SLC35F4: variants seen among roughly 807,000 people sequenced by gnomAD.
SLC35F4 encodes solute carrier family 35 member F4, also known as chromosome 14 open reading frame 36.
SLC35F4 carries 24 observed loss-of-function variants against 44.2 expected under a neutral mutation model. The observed-to-expected ratio is 0.54, with a 90% CI of 0.39 to 0.76. SLC35F4 has a LOEUF of 0.76. Among genes scored for constraint, SLC35F4 ranks in the 30% least tolerant of loss-of-function variants. SLC35F4 has a pLI of 0.00. For synonymous variants in SLC35F4, 238 were observed against 223.6 expected (o/e 1.06, Z -0.57); for missense variants, 562 against 586.1 (o/e 0.96, Z 0.42).
intron 1 of SLC35F4, among the ~76,000 whole-genome samples, chr14:57,696,599 A>C (rs1474384118): frequency 1.3e-5 from 2 of 152,244 alleles, no homozygotes; most frequent in Admixed American, 6.5e-5. Flanking sequence ...TCATTCTACT[A>C]TAAAGACACA....
At chr14:57,742,464 A>G (rs2076637091) in intron 1 of SLC35F4, among the ~76,000 whole-genome samples, 1 of 152,236 alleles carries the variant, frequency 6.6e-6, no homozygotes, top group South Asian at 2.1e-4. Flanking sequence ...ACAAAGATCA[A>G]AAGAGACAAA....
chr14:57,848,989 A>G (rs1000493716), intron 1 of SLC35F4, among the ~76,000 whole-genome samples: 1 of 152,284 alleles, frequency 6.6e-6, no homozygotes, highest in East Asian at 1.9e-4. Flanking sequence ...CAAGAGTCTC[A>G]TGTCTTTTGC....
intron 1 of SLC35F4, among the ~76,000 whole-genome samples, chr14:57,760,072 G>C (rs187823172): frequency 6.6e-6 from 1 of 151,992 alleles, no homozygotes; most frequent in Admixed American, 6.6e-5. Context: ...TGTAGCCTGA[G>C]ATTTTGGTGT....
chr14:57,566,174 T>C (rs2068198126), intron 7 of SLC35F4, among the ~76,000 whole-genome samples: 1 of 152,176 alleles, frequency 6.6e-6, no homozygotes, highest in South Asian at 2.1e-4. Flanking sequence ...TTTGTTTCCA[T>C]AGGACTTCCT....
intron 1 of SLC35F4, among the ~76,000 whole-genome samples, chr14:57,952,806 G>A (rs182619427): frequency 1.3e-4 from 20 of 152,144 alleles, no homozygotes; most frequent in African/African-American, 4.1e-4. Flanking sequence ...CCAAATCAAC[G>A]TTTGATTAGT....
intron 1 of SLC35F4, among the ~76,000 whole-genome samples, chr14:57,610,380 T>C (rs2071420339): frequency 6.6e-6 from 1 of 152,114 alleles, no homozygotes. Flanking sequence ...CAACCACTTC[T>C]TGGGAAACTG....
intron 1 of SLC35F4, among the ~76,000 whole-genome samples, chr14:57,698,072 C>T (rs2140355856): frequency 2.0e-5 from 3 of 152,230 alleles, no homozygotes; most frequent in East Asian, 3.9e-4. Context: ...ATAATAACAG[C>T]ACCTATCTCA....
At chr14:57,959,455 T>A (rs1890302274) in intron 1 of SLC35F4, among the ~76,000 whole-genome samples, 1 of 152,120 alleles carries the variant, frequency 6.6e-6, no homozygotes, top group South Asian at 2.1e-4. Context: ...GAAGATGGAT[T>A]TAGCCCCGGG....
rs2140483077 is a variant in SLC35F4, at chr14:57,734,120, C to T, written c.103+131603G>A. ...AGCTGTCTTATGAAGTAGCAGTTGC[C>T]CCATCCCTGGGAACATTGAGATATA... On this transcript the variant is annotated intron_variant, in intron 1 of 7. Coordinates refer to ENST00000556826, the MANE Select transcript of SLC35F4 (RefSeq NM_001306087.2). 1.3e-5 allele frequency among the ~76,000 whole-genome samples: 2 copies of T among 152,142 alleles called. 1 individual carries two copies. The highest frequency in any genetic ancestry group is 4.2e-4 in the South Asian group (2 of 4,802).
At chr14:57,615,862 T>C (rs773198187) in intron 1 of SLC35F4, among the ~76,000 whole-genome samples, 7 of 152,212 alleles carry the variant, frequency 4.6e-5, no homozygotes, top group Non-Finnish European at 8.8e-5. Flanking sequence ...TCTGGAGCTT[T>C]GCCTGAAAAG....
intron 1 of SLC35F4, chr14:57,596,529 G>A: frequency 5.7e-6 from 2 of 352,970 alleles, no homozygotes; most frequent in South Asian, 2.2e-5. Context: ...TTTTTATAAG[G>A]TATGCCTTCT....
intron 1 of SLC35F4, among the ~76,000 whole-genome samples, chr14:57,898,247 CAT>C (rs1888925922): frequency 6.6e-6 from 1 of 152,194 alleles, no homozygotes; most frequent in Non-Finnish European, 1.5e-5. Flanking sequence ...CAAAATTAGG[CAT>C]ATCTGATTCA....
chr14:57,822,502 GT>G (rs1883278805), intron 1 of SLC35F4, among the ~76,000 whole-genome samples: 1 of 152,046 alleles, frequency 6.6e-6, no homozygotes, highest in South Asian at 2.1e-4. Context: ...AAAAATTCTG[GT>G]TGTTAGCCAT....
chr14:57,885,102 G>C (rs1472719185), intron 1 of SLC35F4, among the ~76,000 whole-genome samples: 1 of 152,064 alleles, frequency 6.6e-6, no homozygotes. Flanking sequence ...CCTGTGGAGA[G>C]ACCCAAAGAG....
chr14:57,785,969 G>A (rs1248148872), intron 1 of SLC35F4, among the ~76,000 whole-genome samples: 5 of 152,140 alleles, frequency 3.3e-5, no homozygotes, highest in African/African-American at 1.2e-4. Context: ...CACAGGCAGG[G>A]GAAGAACCAA....
At chr14:57,694,797 A>G (rs1267084416) in intron 1 of SLC35F4, among the ~76,000 whole-genome samples, 3 of 152,138 alleles carry the variant, frequency 2.0e-5, no homozygotes, top group Non-Finnish European at 4.4e-5. Context: ...TTTTGATGCT[A>G]TTGTAGATGG....
intron 1 of SLC35F4, among the ~76,000 whole-genome samples, chr14:57,664,228 CT>C (rs1222532521): frequency 6.6e-6 from 1 of 152,128 alleles, no homozygotes; most frequent in Non-Finnish European, 1.5e-5. Context: ...AACTACATTA[CT>C]TGTCACTTCA....
At chr14:57,904,550 A>G (rs562239354) in intron 1 of SLC35F4, among the ~76,000 whole-genome samples, 4 of 150,792 alleles carry the variant, frequency 2.7e-5, no homozygotes, top group Middle Eastern at 3.4e-3. Flanking sequence ...AACTTTATCT[A>G]TATCTGAAAA....
At chr14:57,776,879 G>C (rs1239789739) in intron 1 of SLC35F4, among the ~76,000 whole-genome samples, 3 of 152,070 alleles carry the variant, frequency 2.0e-5, no homozygotes, top group East Asian at 1.9e-4. Context: ...GGAGAAATAA[G>C]ATCCTTTTCA....
Sources: allele counts gnomAD v4.1 joint callset (sites outside exome capture counted in the v4.1 genomes callset), GRCh38; gene constraint gnomAD v4.1.1; transcripts MANE v1.5; gene names NCBI Gene and HGNC (gene_info 2026-07-23, HGNC 2026-07-21).